The following TTC17 variants were observed in gnomAD, a reference collection of about 807,000 sequenced individuals.
The protein encoded by TTC17 is tetratricopeptide repeat domain 17.
TTC17 carries 58 observed loss-of-function variants against 143.8 expected under a neutral mutation model. That is an observed-to-expected ratio of 0.40 (90% CI 0.33 to 0.50). TTC17 has a LOEUF of 0.50. Ranked by LOEUF, TTC17 falls within the 20% of genes least tolerant of loss-of-function variation. TTC17 has a pLI of 0.49. For synonymous variants in TTC17, 501 were observed against 497.8 expected, an observed-to-expected ratio of 1.01 and a Z score of -0.09; for missense variants, 1,273 against 1,392.5, an observed-to-expected ratio of 0.91 and a Z score of 1.37.
At chr11:43,418,738 A>G (rs1312299565) in intron 16 of TTC17, among the ~76,000 whole-genome samples, 1 of 152,170 alleles carries the variant, frequency 6.6e-6, no homozygotes, top group African/African-American at 2.4e-5. Flanking sequence ...AAAAAATGGA[A>G]AATAACTTTT....
At chr11:43,359,254 C>G in intron 1 of TTC17, 141 bp downstream of exon 1, 2 of 1,079,348 alleles carry the variant, frequency 1.9e-6, no homozygotes, top group Non-Finnish European at 2.5e-6. Context: ...ACCTCGGACT[C>G]CCTGCATTCG....
At chr11:43,447,972 G>A in intron 18 of TTC17, 30 bp from the exon 19 acceptor site, 1 of 1,610,988 alleles carries the variant, frequency 6.2e-7, no homozygotes, top group South Asian at 1.1e-5. Context: ...CTTTGCAATT[G>A]TGTGGATTCA....
Position 43,465,415 on chromosome 11 carries a change from A to G in TTC17, c.3030+14150A>G, listed in dbSNP as rs533906271. Among the ~76,000 whole-genome samples the G allele has an allele frequency of 4.6e-5, 7 of 152,352 alleles. No individual in the cohort carries two copies. The East Asian group carries it at 1.3e-3, about 29-fold the overall frequency. On this transcript the variant is annotated intron_variant, in intron 21 of 23. Transcript: ENST00000039989. ...ACAGATGATTCAGGCAGTGGAGTTA[A>G]GACCAGGACTTGAAATAACAATGAT... is the stretch of plus-strand genomic sequence containing the variant.
At chr11:43,485,883 G>GTTTTTTTT (rs751026290) in intron 21 of TTC17, among the ~76,000 whole-genome samples, 106 of 112,422 alleles carry the variant, frequency 9.4e-4, no homozygotes, top group Non-Finnish European at 1.3e-3. Context: ...TTGGTTTTTT[G>GTTTTTTTT]TTTTTTTTTT....
chr11:43,436,099 C>G, intron 16 of TTC17: 1 of 1,220,272 alleles, frequency 8.2e-7, no homozygotes. Flanking sequence ...ATTTTAGGAC[C>G]TTGTACTGTA....
At chr11:43,377,473 T>C (rs1293089693) in intron 1 of TTC17, among the ~76,000 whole-genome samples, 1 of 152,166 alleles carries the variant, frequency 6.6e-6, no homozygotes, top group Non-Finnish European at 1.5e-5. Flanking sequence ...CAAAGACAAG[T>C]CATACATCTT....
intron 10 of TTC17, among the ~76,000 whole-genome samples, chr11:43,403,570 T>G (rs1439643511): frequency 1.3e-5 from 2 of 152,164 alleles, no homozygotes; most frequent in African/African-American, 4.8e-5. Flanking sequence ...TAAGTGATAG[T>G]TATAGAACCC....
chr11:43,436,010 T>A (rs1375280931), intron 16 of TTC17, among the ~76,000 whole-genome samples: 3 of 152,236 alleles, frequency 2.0e-5, no homozygotes, highest in Non-Finnish European at 4.4e-5. Context: ...ATGATCTGGC[T>A]TTGGGTGCTG....
chr11:43,473,014 A>C (rs1948119669), intron 21 of TTC17, among the ~76,000 whole-genome samples: 2 of 151,970 alleles, frequency 1.3e-5, no homozygotes, highest in South Asian at 4.2e-4. Context: ...ATCTCTACTA[A>C]AAATACAAAA....
At chr11:43,395,581 G>C (rs1355686519) in intron 5 of TTC17, 1 of 152,172 alleles carries the variant, frequency 6.6e-6, no homozygotes, top group Non-Finnish European at 1.5e-5. Flanking sequence ...CCTTTAACCA[G>C]CTTCAAGTAG....
chr11:43,444,016 C>A, intron 17 of TTC17, 40 bp from the exon 18 acceptor site: 1 of 1,555,760 alleles, frequency 6.4e-7, no homozygotes, highest in South Asian at 1.3e-5. Flanking sequence ...CAGATTTGAT[C>A]ACTGGTCTCA....
chr11:43,379,546 C>T (rs571568767), intron 2 of TTC17, among the ~76,000 whole-genome samples: 1 of 152,030 alleles, frequency 6.6e-6, no homozygotes, highest in African/African-American at 2.4e-5. Flanking sequence ...CTACTCTAGC[C>T]TGGGTATATG....
intron 2 of TTC17, among the ~76,000 whole-genome samples, chr11:43,380,750 T>A (rs1487458034): frequency 6.6e-6 from 1 of 152,204 alleles, no homozygotes; most frequent in African/African-American, 2.4e-5. Context: ...TCTGCCTAAT[T>A]AGTAGTATAT....
chr11:43,452,458 G>A (rs1174187272), intron 21 of TTC17, among the ~76,000 whole-genome samples: 4 of 152,196 alleles, frequency 2.6e-5, no homozygotes, highest in South Asian at 2.1e-4. Context: ...CCAAGATCGC[G>A]CCACTGCACT....
intron 21 of TTC17, among the ~76,000 whole-genome samples, chr11:43,459,906 T>C (rs758251536): frequency 4.6e-5 from 7 of 152,250 alleles, no homozygotes; most frequent in African/African-American, 7.2e-5. Context: ...TCTGAGCACA[T>C]TTAAGCAATG....
chr11:43,416,758 A>G (rs1023674165), intron 16 of TTC17, among the ~76,000 whole-genome samples: 3 of 152,164 alleles, frequency 2.0e-5, no homozygotes, highest in African/African-American at 7.2e-5. Context: ...TAATTAATTT[A>G]CTAAATTTAG....
intron 1 of TTC17, among the ~76,000 whole-genome samples, chr11:43,368,239 T>TA (rs1191715529): frequency 6.6e-6 from 1 of 152,204 alleles, no homozygotes; most frequent in Non-Finnish European, 1.5e-5. Flanking sequence ...TCTCGGGGCA[T>TA]AAAGTACCAT....
intron 16 of TTC17, among the ~76,000 whole-genome samples, chr11:43,423,360 CAT>C (rs148646712): frequency 0.033 from 5,081 of 152,254 alleles, 104 homozygotes; most frequent in Middle Eastern, 0.078. Flanking sequence ...CAGTGATAGA[CAT>C]GTTCATTTGG....
Position 43,389,839 on chromosome 11 carries a change from C to T in TTC17, c.419+18C>T, listed in dbSNP as rs1374546881. ...GACATCAGGTAAAGAAGTTCTCTTT[C>T]CAAAAATAAAATTGCTGTTTCAAAC... On this transcript the variant is annotated intron_variant, in intron 3 of 23. Transcript: ENST00000039989. The T allele has an allele frequency of 6.4e-7, 1 of 1,561,468 alleles. No individual in the cohort carries two copies.
Sources: gnomAD v4.1 joint callset for allele counts (sites outside exome capture counted in the v4.1 genomes callset) on GRCh38, gnomAD v4.1.1 for gene constraint, MANE v1.5 for transcripts, NCBI Gene and HGNC (gene_info 2026-07-23, HGNC 2026-07-21) for gene names.